CENPW: variants seen among roughly 807,000 people sequenced by gnomAD.
The protein encoded by CENPW is centromere protein W.
Under a neutral mutation model 11.1 loss-of-function variants are expected in CENPW, and 3 were observed. The ratio of observed to expected loss-of-function variants is 0.27; its 90% CI spans 0.12 to 0.70. CENPW has a LOEUF of 0.70. CENPW is among the 30% of genes least tolerant of loss of function. The probability of loss-of-function intolerance (pLI) is 0.77; values close to 1 mark genes in which losing one functional copy is unlikely to be tolerated. For synonymous variants in CENPW, 38 were observed against 42.0 expected (o/e 0.91, Z 0.37); for missense variants, 100 against 105.6 (o/e 0.95, Z 0.23).
the CENPW span, among the ~76,000 whole-genome samples, chr6:126,413,717 A>C: frequency 6.6e-5 from 10 of 152,038 alleles, no homozygotes; most frequent in South Asian, 2.1e-4. Flanking sequence ...CATAAAAAAA[A>C]CCACCATATC....
At chr6:126,343,228 T>C (rs572927259) in intron 1 of CENPW, among the ~76,000 whole-genome samples, 2 of 152,328 alleles carry the variant, frequency 1.3e-5, no homozygotes, top group South Asian at 4.1e-4. Context: ...TTAGAATGCC[T>C]AGCTAAATAC....
the CENPW span, among the ~76,000 whole-genome samples, chr6:126,466,309 T>C: frequency 2.0e-5 from 3 of 152,108 alleles, no homozygotes; most frequent in African/African-American, 7.2e-5. Context: ...CTGGGGTCTA[T>C]AAAACTGAAG....
the CENPW span, among the ~76,000 whole-genome samples, chr6:126,434,166 T>C: frequency 1.3e-5 from 2 of 152,134 alleles, no homozygotes; most frequent in Non-Finnish European, 2.9e-5. Context: ...TGGATTTCAG[T>C]ACAACTCAAG....
chr6:126,455,167 T>C, the CENPW span, among the ~76,000 whole-genome samples: 1 of 151,376 alleles, frequency 6.6e-6, no homozygotes, highest in African/African-American at 2.4e-5. Context: ...ACCATTCCTA[T>C]TGAAACTATT....
chr6:126,358,574 A>G, the CENPW span, among the ~76,000 whole-genome samples: 1 of 152,172 alleles, frequency 6.6e-6, no homozygotes, highest in African/African-American at 2.4e-5. Context: ...ATTGTGATGT[A>G]TTAACTTTTT....
chr6:126,363,354 A>C, the CENPW span, among the ~76,000 whole-genome samples: 2 of 152,226 alleles, frequency 1.3e-5, no homozygotes. Context: ...TAGATTTCAC[A>C]TACAAATTTA....
At chr6:126,383,339 A>G in the CENPW span, among the ~76,000 whole-genome samples, 1 of 152,182 alleles carries the variant, frequency 6.6e-6, no homozygotes, top group Admixed American at 6.5e-5. Context: ...TACATAGACC[A>G]GTGACACTAT....
the CENPW span, among the ~76,000 whole-genome samples, chr6:126,435,768 T>C: frequency 1.3e-5 from 2 of 151,888 alleles, no homozygotes; most frequent in Admixed American, 1.3e-4. Flanking sequence ...CTGAAAACCT[T>C]TGGACCACTG....
At chr6:126,465,189 G>T in the CENPW span, among the ~76,000 whole-genome samples, 4 of 151,558 alleles carry the variant, frequency 2.6e-5, no homozygotes, top group Non-Finnish European at 5.9e-5. Flanking sequence ...AAAAATCAAT[G>T]GTATTCCTAC....
At chr6:126,399,742 G>T in the CENPW span, among the ~76,000 whole-genome samples, 2 of 151,926 alleles carry the variant, frequency 1.3e-5, no homozygotes, top group Non-Finnish European at 2.9e-5. Flanking sequence ...TCAGTGGACA[G>T]CTCAATGAAT....
the CENPW span, among the ~76,000 whole-genome samples, chr6:126,451,783 T>G: frequency 6.6e-6 from 1 of 151,078 alleles, no homozygotes; most frequent in Non-Finnish European, 1.5e-5. Context: ...AAATAAAATT[T>G]CAGCTTTTTG....
chr6:126,480,631 A>G, the CENPW span, among the ~76,000 whole-genome samples: 1 of 152,062 alleles, frequency 6.6e-6, no homozygotes, highest in African/African-American at 2.4e-5. Context: ...GCAAGTACTC[A>G]TTAAAAACAT....
the CENPW span, among the ~76,000 whole-genome samples, chr6:126,383,240 C>T: frequency 6.6e-6 from 1 of 152,012 alleles, no homozygotes; most frequent in Non-Finnish European, 1.5e-5. Context: ...GAATTTGTTC[C>T]CACCAGAAAT....
chr6:126,452,818 G>A, the CENPW span, among the ~76,000 whole-genome samples: 5 of 151,030 alleles, frequency 3.3e-5, no homozygotes, highest in African/African-American at 9.7e-5. Context: ...ATAAATCCAT[G>A]ACCAGACACA....
the CENPW span, among the ~76,000 whole-genome samples, chr6:126,469,190 G>T: frequency 5.3e-5 from 8 of 152,268 alleles, no homozygotes; most frequent in African/African-American, 1.9e-4. Flanking sequence ...AGAAAGGAGA[G>T]ACCTGGTGGG....
the CENPW span, among the ~76,000 whole-genome samples, chr6:126,422,737 T>G: frequency 2.8e-3 from 427 of 152,266 alleles, 1 homozygote; most frequent in African/African-American, 9.5e-3. Flanking sequence ...GTAGGGACTA[T>G]TATATAAGAC....
At chr6:126,399,718 A>G in the CENPW span, among the ~76,000 whole-genome samples, 1 of 152,198 alleles carries the variant, frequency 6.6e-6, no homozygotes, top group Non-Finnish European at 1.5e-5. Flanking sequence ...TAATTTATGT[A>G]AAGTTCTTAA....
chr6:126,453,025 CTCTT>C, the CENPW span, among the ~76,000 whole-genome samples: 11 of 151,132 alleles, frequency 7.3e-5, no homozygotes, highest in Non-Finnish European at 1.5e-4. Flanking sequence ...TCAACTCAAA[CTCTT>C]TATTCAGCAA....
the CENPW span, among the ~76,000 whole-genome samples, chr6:126,429,284 A>G: frequency 6.6e-6 from 1 of 152,184 alleles, no homozygotes. Context: ...AAAAACAAAT[A>G]TCTTATTTTA....
Sources: allele counts gnomAD v4.1 joint callset (sites outside exome capture counted in the v4.1 genomes callset), GRCh38; gene constraint gnomAD v4.1.1; transcripts MANE v1.5; gene names NCBI Gene and HGNC (gene_info 2026-07-23, HGNC 2026-07-21).